The following DENND2D variants were observed in gnomAD, a reference collection of about 807,000 sequenced individuals.
DENND2D encodes the protein DENN domain containing 2D.
Under a neutral mutation model 59.8 loss-of-function variants are expected in DENND2D, and 37 were observed. The ratio of observed to expected loss-of-function variants is 0.62; its 90% CI spans 0.48 to 0.81. DENND2D has a LOEUF of 0.81. Ranked by LOEUF, DENND2D falls within the 40% of genes least tolerant of loss-of-function variation. The pLI is 0.00. For missense variants in DENND2D, 525 were observed against 579.7 expected (o/e 0.91, Z 0.97); for synonymous variants, 219 against 211.3 (o/e 1.04, Z -0.31).
At chr1:111,199,494 G>A (rs1288726918) in intron 2 of DENND2D, 129 bp downstream of exon 2, 2 of 1,026,304 alleles carry the variant, frequency 1.9e-6, no homozygotes, top group South Asian at 1.6e-5. Context: ...AGAGCAGTGA[G>A]CTCAGAGCTC....
At chr1:111,189,882 C>G (rs1367773220) in intron 8 of DENND2D, among the ~76,000 whole-genome samples, 2 of 152,160 alleles carry the variant, frequency 1.3e-5, no homozygotes, top group Non-Finnish European at 2.9e-5. Context: ...AGAAAAACTC[C>G]TGCCTCTCGT....
At chr1:111,197,553 A>G (rs1006971194) in intron 4 of DENND2D, 152 of 1,367,924 alleles carry the variant, frequency 1.1e-4, no homozygotes, top group Non-Finnish European at 1.4e-4. Flanking sequence ...TGTAAAGGTG[A>G]CTTGGGGAAT....
At chr1:111,202,728 C>CA (rs1557968682), upstream of DENND2D, among the ~76,000 whole-genome samples, 3 of 152,064 alleles carry the variant, frequency 2.0e-5, no homozygotes, top group East Asian at 1.9e-4. Flanking sequence ...CACACACACT[C>CA]CCTCCTAATA....
chr1:111,190,307 A>G (rs1657658716), intron 8 of DENND2D, among the ~76,000 whole-genome samples: 1 of 152,176 alleles, frequency 6.6e-6, no homozygotes, highest in South Asian at 2.1e-4. Context: ...CAAGTGAGAT[A>G]AGCACTGGGC....
chr1:111,190,349 G>T (rs1216052994), intron 8 of DENND2D, among the ~76,000 whole-genome samples: 1 of 152,068 alleles, frequency 6.6e-6, no homozygotes, highest in Non-Finnish European at 1.5e-5. Context: ...TTTAGCACTG[G>T]CCCCATCACT....
chr1:111,196,174 T>C (rs1450767398), intron 5 of DENND2D, 118 bp from the exon 6 acceptor site: 1 of 1,340,290 alleles, frequency 7.5e-7, no homozygotes, highest in East Asian at 2.5e-5. Context: ...CTGATCCTCA[T>C]GTATCTTCTA....
At chr1:111,199,599 C>T in intron 2 of DENND2D, 24 bp downstream of exon 2, 6 of 1,602,432 alleles carry the variant, frequency 3.7e-6, no homozygotes, top group South Asian at 1.1e-5. Flanking sequence ...CTCTGGCTGG[C>T]CCTGCCCCTC....
chr1:111,196,094 G>A (rs2101483074), intron 5 of DENND2D, 38 bp from the exon 6 acceptor site: 1 of 1,573,306 alleles, frequency 6.4e-7, no homozygotes, highest in East Asian at 2.2e-5. Context: ...CGGCTCAAAG[G>A]GACACTACCA....
At position 111,188,159 on chromosome 1, in the gene DENND2D, T is replaced by C. The variant is rs139316874; in HGVS notation, c.1311A>G (p.Glu437=). Residue 437 remains glutamate (E), a synonymous_variant, in exon 11 of 12, where the codon GAA becomes GAG. Transcript: ENST00000357640. The stretch of plus-strand genomic sequence containing the variant: ...CAGGAGGATTCTTGCTCTTCTCGGC[T>C]TCCTGGATGAAAAGTGAGAAGAGCT... ...KTQLFSLFIQ[E]AEKSKNPPAG... The C allele has an allele frequency of 2.5e-6, 4 of 1,614,136 alleles. No homozygotes were observed. The highest frequency in any genetic ancestry group is 3.3e-4 in the Middle Eastern group (2 of 6,084).
At chr1:111,188,913 G>A (rs1321457519) in intron 9 of DENND2D, 127 bp from the exon 10 acceptor site, 2 of 812,908 alleles carry the variant, frequency 2.5e-6, no homozygotes, top group East Asian at 2.5e-5. Flanking sequence ...ACATAGGACA[G>A]AAACAACAGA....
intron 9 of DENND2D, 102 bp from the exon 10 acceptor site, chr1:111,188,888 C>G (rs1657471218): frequency 2.0e-6 from 2 of 983,818 alleles, no homozygotes. Flanking sequence ...ACCCCCACTC[C>G]ACCCGCAAAT....
Position 111,197,204 on chromosome 1 carries a change from C to A in DENND2D, c.476G>T (p.Cys159Phe), listed in dbSNP as rs1201780645. 2 of 1,613,932 alleles carry A rather than the reference C, an allele frequency of 1.2e-6. No homozygotes were observed. The highest frequency in any genetic ancestry group is 1.1e-5 in the South Asian group (1 of 90,988). The change falls in exon 5 of 12, where the codon TGC becomes TTC. Residue 159 changes from cysteine (C) to phenylalanine (F), a missense_variant. Transcript: ENST00000357640. ...GGAGAACAAGCCGAAGCAGCCGATG[C>A]AGCTGATGATGCAGTACACTTTGGG... ...RLPKVYCIISCIGCFGLFSKI... is the reference protein window; with the variant it reads ...RLPKVYCIISFIGCFGLFSKI...
At chr1:111,197,387 A>G in intron 4 of DENND2D, 134 bp from the exon 5 acceptor site, 1 of 1,474,502 alleles carries the variant, frequency 6.8e-7, no homozygotes, top group Non-Finnish European at 9.0e-7. Context: ...CAGGGAGGTC[A>G]GAATGGCCAC....
Position 111,192,252 on chromosome 1 carries a change from T to TTGCGCCCAGCTGA in DENND2D, c.859_860insTCAGCTGGGCGCA (p.Tyr287PhefsTer11). On this transcript the variant is annotated frameshift_variant, in exon 8 of 12. Transcript: ENST00000357640. LOFTEE classifies it high-confidence loss of function. The stretch of plus-strand genomic sequence containing the variant: ...AAGGCTCTCAGGGACAACAGGGATG[T>TTGCGCCCAGCTGA]AGGTGTGCGCCCAGCTGAAGGGGTA... 1 of 1,613,966 alleles carries TTGCGCCCAGCTGA rather than the reference T, an allele frequency of 6.2e-7. No homozygotes were observed. The highest frequency in any genetic ancestry group is 8.5e-7 in the Non-Finnish European group (1 of 1,179,910).
upstream of DENND2D, chr1:111,204,447 C>A: frequency 8.1e-7 from 1 of 1,234,554 alleles, no homozygotes. Flanking sequence ...CACTTTCACG[C>A]GGGGGGAGGC....
rs1334292341 is a variant in DENND2D, at chr1:111,197,175, C to A, written c.504+1G>T. On this transcript the variant is annotated splice_donor_variant, in intron 5 of 11. Coordinates refer to ENST00000357640, the MANE Select transcript of DENND2D (RefSeq NM_024901.5). LOFTEE classifies it high-confidence loss of function. ...CAGGCCCTGAGGAATCCTATCCCTACCTTGGAGAACAAGCCGAAGCAGCCG... is the reference window on the plus strand; with the variant it reads ...CAGGCCCTGAGGAATCCTATCCCTAACTTGGAGAACAAGCCGAAGCAGCCG... 6.2e-7 allele frequency: 1 copy of A among 1,613,048 alleles called. No homozygotes were observed.
At chr1:111,201,652 G>A (rs771197800), upstream of DENND2D, among the ~76,000 whole-genome samples, 1 of 152,234 alleles carries the variant, frequency 6.6e-6, no homozygotes, top group African/African-American at 2.4e-5. Flanking sequence ...CCAGGAAGCT[G>A]CCTCAAAGGG....
At position 111,187,771 on chromosome 1, in the gene DENND2D, T is replaced by G. The variant is rs2101436638; in HGVS notation, c.1340-90A>C. ...GAATAAGGATCAGAAATATCCTGTCTGCTCCCCATACTGCCATCCCTGCCA... is the reference window on the plus strand; with the variant it reads ...GAATAAGGATCAGAAATATCCTGTCGGCTCCCCATACTGCCATCCCTGCCA... On this transcript the variant is annotated intron_variant, in intron 11 of 11. Transcript: ENST00000357640. 3 of 1,056,084 alleles carry G rather than the reference T, an allele frequency of 2.8e-6. No individual in the cohort carries two copies. In the South Asian group the frequency reaches 4.1e-5, roughly 14 times the overall value. The allele number at this position is 1,056,084 out of a possible 1,614,324, so 65.4% of individuals were successfully genotyped here. A position where few individuals can be genotyped will look rare whatever the true frequency, so the allele number is the denominator to read the frequency against.
chr1:111,200,590 CAG>C lies in DENND2D; in HGVS notation c.-133_-132del. 1 of 1,490,254 alleles carries C rather than the reference CAG, an allele frequency of 6.7e-7. No homozygotes were observed. The highest frequency in any genetic ancestry group is 2.0e-5 in the Admixed American group (1 of 48,958). 92.3% of individuals were successfully genotyped at this position (1,490,254 alleles called of 1,614,324 possible). On this transcript the variant is annotated 5_prime_UTR_variant, in exon 1 of 12. The change abolishes the stop of an existing upstream ORF in the 5' untranslated region. Coordinates refer to ENST00000357640, the MANE Select transcript of DENND2D (RefSeq NM_024901.5). ...TGAAGCCAAGCCACGCGCTGTCTTCCAGAGAGGGAATAGAAGTTTCCATCCTG... is the reference window on the plus strand; with the variant it reads ...TGAAGCCAAGCCACGCGCTGTCTTCCAGAGGGAATAGAAGTTTCCATCCTG...
Sources: gnomAD v4.1 joint callset for allele counts (sites outside exome capture counted in the v4.1 genomes callset) on GRCh38, gnomAD v4.1.1 for gene constraint, MANE v1.5 for transcripts, NCBI Gene and HGNC (gene_info 2026-07-23, HGNC 2026-07-21) for gene names.